Variants in RASAL3 observed in about 807,000 individuals in gnomAD.
RASAL3 encodes RAS protein activator like-3.
RASAL3 carries 74 observed loss-of-function variants against 105.5 expected under a neutral mutation model. The observed-to-expected ratio is 0.70, with a 90% CI of 0.58 to 0.85. The LOEUF is 0.85. Ranked by LOEUF, RASAL3 falls within the 40% of genes least tolerant of loss-of-function variation. The probability of loss-of-function intolerance (pLI) is 0.00; values close to 1 mark genes in which losing one functional copy is unlikely to be tolerated. For synonymous variants in RASAL3, 579 were observed against 591.6 expected (o/e 0.98, Z 0.31); for missense variants, 1,352 against 1,392.0 (o/e 0.97, Z 0.46).
Position 15,453,543 on chromosome 19 carries a change from A to C in RASAL3, c.2280-46T>G, listed in dbSNP as rs1351694360. ...CTTAGACCCTCCACTGGCCCCTGAG[A>C]CGACCCCATCCCGACCTGACCAGAA... On this transcript the variant is annotated intron_variant, in intron 14 of 17. Coordinates refer to ENST00000343625, the MANE Select transcript of RASAL3 (RefSeq NM_022904.3). The surrounding 1 kb of genome is among the most constrained non-coding windows in gnomAD (Gnocchi z 4.2). 2 of 1,466,356 alleles carry C rather than the reference A, an allele frequency of 1.4e-6. No individual in the cohort carries two copies. The highest frequency in any genetic ancestry group is 1.8e-6 in the Non-Finnish European group (2 of 1,118,982). The allele number at this position is 1,466,356 out of a possible 1,614,324, so 90.8% of individuals were successfully genotyped here. A position where few individuals can be genotyped will look rare whatever the true frequency, so the allele number is the denominator to read the frequency against.
At position 15,464,276 on chromosome 19, in the gene RASAL3, CCT is replaced by C. The variant is rs749536252; in HGVS notation, c.81_82del (p.Gly29ArgfsTer65). ...TCCAGCCGCCTTCTCCCCACCGCCC[CCT>C]GTGTGCCAGCGGTAGGAAGTCAGCG... On this transcript the variant is annotated frameshift_variant, in exon 2 of 18. Transcript: ENST00000343625. LOFTEE classifies it high-confidence loss of function. The C allele has an allele frequency of 8.8e-5, 141 of 1,609,598 alleles. No individual in the cohort carries two copies. The highest frequency in any genetic ancestry group is 6.8e-6 in the Non-Finnish European group (8 of 1,178,256).
Position 15,460,217 on chromosome 19 carries a change from C to A in RASAL3, c.648G>T (p.Leu216Phe), listed in dbSNP as rs1970466415. The A allele has an allele frequency of 6.2e-7, 1 of 1,608,340 alleles. No individual in the cohort carries two copies. Reference sequence around the variant, plus strand: ...TACACCCTTACCCATCCCGGGGCTCCAACCTGGCCTTTTTCTTCTCTTTCA... The same window carrying A: ...TACACCCTTACCCATCCCGGGGCTCAAACCTGGCCTTTTTCTTCTCTTTCA... ...KRLKEKKKAR[L>F]EPRDGPPSAL... The change falls in exon 6 of 18, where the codon TTG (leucine) becomes TTT (phenylalanine). Residue 216 changes from leucine (L) to phenylalanine (F), a missense_variant. Around this residue, in one of 3 missense-constraint regions of RASAL3, gnomAD observed 344 missense variants for 339.6 expected, o/e 1.01. Transcript: ENST00000343625.
Position 15,464,234 on chromosome 19 carries a change from C to G in RASAL3, c.125G>C (p.Arg42Pro). The change falls in exon 2 of 18, where the codon CGC becomes CCC. Residue 42 changes from arginine to proline, a missense_variant. This residue lies in a region of RASAL3 where 344 missense variants were observed against 339.6 expected (regional missense o/e 1.01). Coordinates refer to ENST00000343625, the MANE Select transcript of RASAL3 (RefSeq NM_022904.3). ...EKAAGGFRWG[R>P]FAGWGRALSH... ...CAGGGCCCTGCCCCAGCCAGCAAAG[C>G]GGCCCCAGCGGAACCCTCCAGCCGC... The G allele has an allele frequency of 6.2e-7, 1 of 1,607,776 alleles. No homozygotes were observed. The highest frequency in any genetic ancestry group is 8.5e-7 in the Non-Finnish European group (1 of 1,177,876).
At chr19:15,455,738 G>A (rs1377797272) in intron 11 of RASAL3, among the ~76,000 whole-genome samples, 2 of 152,226 alleles carry the variant, frequency 1.3e-5, no homozygotes, top group East Asian at 1.9e-4. Flanking sequence ...ATAGCTCACT[G>A]CAGCCTTGAA....
intron 2 of RASAL3, among the ~76,000 whole-genome samples, chr19:15,462,724 G>A (rs953885551): frequency 6.6e-5 from 10 of 152,104 alleles, no homozygotes; most frequent in Admixed American, 6.5e-4. Flanking sequence ...AGGCTGAGGC[G>A]GGCGGATCAT....
At chr19:15,458,776 G>A in intron 6 of RASAL3, 121 bp from the exon 7 acceptor site, 1 of 1,209,778 alleles carries the variant, frequency 8.3e-7, no homozygotes, top group South Asian at 1.6e-5. Flanking sequence ...TCTCCCCCGT[G>A]CCCCCCCCAC....
chr19:15,454,629 C>T lies in RASAL3; in HGVS notation c.1958+28G>A, dbSNP rs748105168. On this transcript the variant is annotated intron_variant, in intron 12 of 17. Transcript: ENST00000343625. Reference sequence around the variant, plus strand: ...CCACCCCCACACTCCCAGCATGGTCCCCCCACCCCTAGCTTCCCAGCACCT... The same window carrying T: ...CCACCCCCACACTCCCAGCATGGTCTCCCCACCCCTAGCTTCCCAGCACCT... 1.1e-5 allele frequency: 17 copies of T among 1,610,952 alleles called. No homozygotes were observed. In the Admixed American group the frequency reaches 1.3e-4, roughly 13 times the overall value.
Position 15,458,409 on chromosome 19 carries a change from T to G in RASAL3, c.807A>C (p.Gly269=), listed in dbSNP as rs1358418621. The change falls in exon 8 of 18, where the codon GGA becomes GGC. Residue 269 remains glycine, a synonymous_variant. Transcript: ENST00000343625. ...CCGAGCGACAAGAGAAGCAGCGGCT[T>G]CCACCCGTCCAGGTTACCTGTTGGG... ...PHCFQVTWTG[G]SRCFSCRSAA... 3.1e-6 allele frequency: 5 copies of G among 1,613,722 alleles called. No individual in the cohort carries two copies. In the Admixed American group the frequency reaches 8.3e-5, roughly 27 times the overall value.
intron 14 of RASAL3, 87 bp downstream of exon 14, chr19:15,454,062 A>C (rs925717135): frequency 1.0e-6 from 1 of 975,194 alleles, no homozygotes; most frequent in Non-Finnish European, 1.5e-6. Flanking sequence ...CTCTGCTCAC[A>C]ATGATCCAAC....
At chr19:15,455,900 C>T (rs1970298892) in intron 11 of RASAL3, among the ~76,000 whole-genome samples, 2 of 152,192 alleles carry the variant, frequency 1.3e-5, no homozygotes, top group South Asian at 4.1e-4. Flanking sequence ...ATCCTCTTGT[C>T]TCGGCCTCCT....
intron 6 of RASAL3, among the ~76,000 whole-genome samples, chr19:15,459,680 G>C (rs1970448625): frequency 1.3e-5 from 2 of 152,130 alleles, no homozygotes; most frequent in South Asian, 4.1e-4. Flanking sequence ...GGGACTACAG[G>C]TGCCCGCCAC....
At chr19:15,463,928 C>G (rs1399451499) in intron 2 of RASAL3, 103 bp downstream of exon 2, 1 of 1,153,234 alleles carries the variant, frequency 8.7e-7, no homozygotes. Flanking sequence ...TTTGCACTCC[C>G]CACAACTTCC....
At chr19:15,461,679 G>T in intron 2 of RASAL3, 72 bp from the exon 3 acceptor site, 1 of 1,431,438 alleles carries the variant, frequency 7.0e-7, no homozygotes, top group Non-Finnish European at 9.1e-7. Flanking sequence ...TTCCATTCCC[G>T]AAGGCTCATG....
In RASAL3 at chr19:15,453,092, TG is replaced by T; in HGVS notation, c.2670+14del. ...TGTTCCCACTCCCCAGGCGCGGACC[TG>T]GGCCTGACCTTACCTTGTTCACAGG... is the stretch of plus-strand genomic sequence containing the variant. On this transcript the variant is annotated intron_variant, in intron 15 of 17. Coordinates refer to ENST00000343625, the MANE Select transcript of RASAL3 (RefSeq NM_022904.3). The surrounding 1 kb of genome is among the most constrained non-coding windows in gnomAD (Gnocchi z 4.2). The T allele has an allele frequency of 6.2e-7, 1 of 1,613,066 alleles. No individual in the cohort carries two copies. The highest frequency in any genetic ancestry group is 1.1e-5 in the South Asian group (1 of 90,982).
chr19:15,458,489 T>C, intron 7 of RASAL3, 40 bp downstream of exon 7: 1 of 1,613,302 alleles, frequency 6.2e-7, no homozygotes, highest in Non-Finnish European at 8.5e-7. Flanking sequence ...GGGTGGGAGG[T>C]GGGACTGAGG....
intron 7 of RASAL3, 37 bp from the exon 8 acceptor site, chr19:15,458,463 C>A: frequency 6.2e-7 from 1 of 1,613,452 alleles, no homozygotes; most frequent in Non-Finnish European, 8.5e-7. Context: ...TGATCGAGGC[C>A]AAGGGTGAAG....
At position 15,456,887 on chromosome 19, in the gene RASAL3, C is replaced by T; in HGVS notation, c.1432-241G>A. On this transcript the variant is annotated intron_variant, in intron 9 of 17. Coordinates refer to ENST00000343625, the MANE Select transcript of RASAL3 (RefSeq NM_022904.3). The surrounding 1 kb of genome is among the most constrained non-coding windows in gnomAD (Gnocchi z 4.4). ...CCGCCCCTCACGCGTGATGCTCAGG[C>T]CCCTGTCGCAGCTGAAGCTTAGGCT... The T allele has an allele frequency of 1.7e-6, 1 of 574,538 alleles. No individual in the cohort carries two copies. The highest frequency in any genetic ancestry group is 2.1e-5 in the South Asian group (1 of 47,164). 35.6% of individuals were successfully genotyped at this position (574,538 alleles called of 1,614,324 possible).
At position 15,452,643 on chromosome 19, in the gene RASAL3, G is replaced by A. The variant is rs1430585369; in HGVS notation, c.2828+15C>T. 3.9e-6 allele frequency: 6 copies of A among 1,523,670 alleles called. No individual in the cohort carries two copies. The highest frequency in any genetic ancestry group is 4.3e-5 in the Admixed American group (2 of 47,054). The allele number at this position is 1,523,670 out of a possible 1,614,324, so 94.4% of individuals were successfully genotyped here. A position where few individuals can be genotyped will look rare whatever the true frequency, so the allele number is the denominator to read the frequency against. ...CCCACCTGGGGGCGGAGCTAATGGA[G>A]AGGGCTGGGCTCACCCAGCACGGAG... On this transcript the variant is annotated intron_variant, in intron 16 of 17. Coordinates refer to ENST00000343625, the MANE Select transcript of RASAL3 (RefSeq NM_022904.3).
In RASAL3 at chr19:15,453,107, C is replaced by T. The variant is rs746858768; in HGVS notation, c.2670G>A (p.Lys890=). ...QALGTHRPVN[K]LAELQCEVAA... ...GGCGCGGACCTGGGCCTGACCTTAC[C>T]TTGTTCACAGGTCGGTGCGTGCCCA... Residue 890 remains lysine, a splice_region_variant and synonymous_variant, in exon 15 of 18, where the codon AAG becomes AAA. Transcript: ENST00000343625. This position sits in a 1 kb window ranked among gnomAD's most constrained non-coding sequence, Gnocchi z 4.2. The T allele has an allele frequency of 2.5e-6, 4 of 1,613,596 alleles. No individual in the cohort carries two copies. The highest frequency in any genetic ancestry group is 2.2e-5 in the East Asian group (1 of 44,876).
Sources: allele counts gnomAD v4.1 joint callset (sites outside exome capture counted in the v4.1 genomes callset), GRCh38; gene constraint gnomAD v4.1.1; regional missense constraint gnomAD v4.1.1; non-coding constraint Gnocchi (gnomAD v3.1); transcripts MANE v1.5; gene names NCBI Gene and HGNC (gene_info 2026-07-23, HGNC 2026-07-21).